CDK14: variants seen among roughly 807,000 people sequenced by gnomAD.
CDK14 encodes cyclin dependent kinase 14.
Under a neutral mutation model 60.7 loss-of-function variants are expected in CDK14, and 34 were observed. That is an observed-to-expected ratio of 0.56 (90% confidence interval 0.43 to 0.75). The LOEUF (loss-of-function observed/expected upper bound fraction) is 0.75, where lower values mean the gene tolerates loss of function less well. CDK14 is among the 30% of genes least tolerant of loss of function. The probability of loss-of-function intolerance (pLI) is 0.00; values close to 1 mark genes in which losing one functional copy is unlikely to be tolerated. For synonymous variants in CDK14, 197 were observed against 203.7 expected, an observed-to-expected ratio of 0.97 and a Z score of 0.28; for missense variants, 482 against 564.1, an observed-to-expected ratio of 0.85 and a Z score of 1.47.
chr7:91,085,018 T>A (rs958103416), intron 12 of CDK14, among the ~76,000 whole-genome samples: 1 of 152,240 alleles, frequency 6.6e-6, no homozygotes, highest in Non-Finnish European at 1.5e-5. Flanking sequence ...TCTAGAAGCA[T>A]AAACTGTAGG....
At chr7:91,045,305 A>G (rs1290868334) in intron 10 of CDK14, among the ~76,000 whole-genome samples, 2 of 152,200 alleles carry the variant, frequency 1.3e-5, no homozygotes, top group African/African-American at 4.8e-5. Context: ...AAATAGATGG[A>G]GAAAGAAGGT....
chr7:90,908,872 T>A (rs148904801), intron 7 of CDK14, among the ~76,000 whole-genome samples: 179 of 152,282 alleles, frequency 1.2e-3, no homozygotes, highest in African/African-American at 3.9e-3. Context: ...GTATAACTTG[T>A]TTTTGTGATT....
intron 5 of CDK14, among the ~76,000 whole-genome samples, chr7:90,848,192 C>T (rs1265217798): frequency 2.0e-5 from 3 of 152,116 alleles, no homozygotes; most frequent in Non-Finnish European, 4.4e-5. Flanking sequence ...ACCTCTGCCT[C>T]CTGGGTTGAA....
At chr7:90,661,509 A>C (rs1302982626) in intron 2 of CDK14, among the ~76,000 whole-genome samples, 1 of 152,188 alleles carries the variant, frequency 6.6e-6, no homozygotes, top group Non-Finnish European at 1.5e-5. Context: ...TTGGGCAGTG[A>C]CTGGGTATGG....
intron 11 of CDK14, among the ~76,000 whole-genome samples, chr7:91,075,581 C>T (rs192212356): frequency 5.5e-4 from 84 of 152,336 alleles, no homozygotes; most frequent in Admixed American, 4.4e-3. Flanking sequence ...TCTCTCTCAA[C>T]ACTCCTATTC....
intron 9 of CDK14, among the ~76,000 whole-genome samples, chr7:90,958,641 G>A (rs1331264130): frequency 6.6e-6 from 1 of 151,826 alleles, no homozygotes; most frequent in African/African-American, 2.4e-5. Flanking sequence ...GCCAATGAAT[G>A]CATCAGGATA....
intron 2 of CDK14, among the ~76,000 whole-genome samples, chr7:90,633,577 A>G (rs76877414): frequency 6.6e-6 from 1 of 152,324 alleles, no homozygotes; most frequent in Non-Finnish European, 1.5e-5. Context: ...TTTTACGGTA[A>G]GGATAGACAA....
chr7:90,961,791 C>T (rs1176728894), intron 9 of CDK14, among the ~76,000 whole-genome samples: 2 of 152,230 alleles, frequency 1.3e-5, no homozygotes, highest in Admixed American at 6.5e-5. Context: ...TAAGCCCACT[C>T]TCACTACGGA....
rs369912896 is a variant in CDK14 at position 91,183,291 on chromosome 7, A to G, written c.*29-23874A>G. ...CTTTACTACACAGTCATATAAGCACATGTGTGCACATAGACCAGCCACTGC... is the reference window on the plus strand; with the variant it reads ...CTTTACTACACAGTCATATAAGCACGTGTGTGCACATAGACCAGCCACTGC... On this transcript the variant is annotated intron_variant, in intron 14 of 14. Coordinates refer to ENST00000380050, the MANE Select transcript of CDK14 (RefSeq NM_001287135.2). 8.5e-4 allele frequency among the ~76,000 whole-genome samples: 130 copies of G among 152,320 alleles called. 1 individual carries two copies. Among genetic ancestry groups the G allele is most frequent in the African/African-American group, 3.0e-3 (124 of 41,578 alleles).
intron 7 of CDK14, among the ~76,000 whole-genome samples, chr7:90,903,786 A>G (rs1421754336): frequency 6.6e-6 from 1 of 152,218 alleles, no homozygotes; most frequent in Non-Finnish European, 1.5e-5. Flanking sequence ...ATCATTATAC[A>G]TTGTATGATT....
At chr7:90,736,923 A>T (rs921258875) in intron 3 of CDK14, among the ~76,000 whole-genome samples, 3 of 152,322 alleles carry the variant, frequency 2.0e-5, no homozygotes, top group African/African-American at 7.2e-5. Context: ...TGCTAATGTA[A>T]CTGGCTGATT....
chr7:90,650,112 C>A (rs896228394), intron 2 of CDK14, among the ~76,000 whole-genome samples: 2 of 152,190 alleles, frequency 1.3e-5, no homozygotes, highest in African/African-American at 2.4e-5. Flanking sequence ...ACAGCCTCTC[C>A]AGCATCTGTT....
rs780258881 is a variant in CDK14, at chr7:91,045,890, C to G, written c.1042-7C>G. The stretch of plus-strand genomic sequence containing the variant: ...GGCTGTTTCCACAATCTCCTACTCT[C>G]CACTAGGTTCTTGGAACACCAAATG... On this transcript the variant is annotated splice_region_variant and splice_polypyrimidine_tract_variant and intron_variant, in intron 10 of 14. Transcript: ENST00000380050. The G allele has an allele frequency of 1.3e-6, 2 of 1,596,450 alleles. No homozygotes were observed. The highest frequency in any genetic ancestry group is 8.6e-7 in the Non-Finnish European group (1 of 1,164,140).
intron 2 of CDK14, among the ~76,000 whole-genome samples, chr7:90,705,816 A>C (rs1271048046): frequency 6.6e-6 from 1 of 151,846 alleles, no homozygotes; most frequent in Non-Finnish European, 1.5e-5. Context: ...CTTAGATGTC[A>C]GATTATTGAG....
chr7:90,625,327 G>A (rs1356711542), intron 2 of CDK14, among the ~76,000 whole-genome samples: 1 of 152,156 alleles, frequency 6.6e-6, no homozygotes, highest in Non-Finnish European at 1.5e-5. Context: ...GCAACATAGC[G>A]AGACTCTGTC....
chr7:90,916,271 G>A (rs1050608846), intron 7 of CDK14, among the ~76,000 whole-genome samples: 5 of 152,088 alleles, frequency 3.3e-5, no homozygotes, highest in African/African-American at 1.2e-4. Flanking sequence ...AGCGTTGAGA[G>A]GACAAATCCA....
intron 8 of CDK14, among the ~76,000 whole-genome samples, chr7:90,937,428 A>G (rs550769822): frequency 2.9e-4 from 44 of 152,326 alleles, no homozygotes; most frequent in African/African-American, 1.0e-3. Context: ...CACCTCCACA[A>G]TCAAGTTTTG....
chr7:91,108,082 C>T (rs775465247), intron 12 of CDK14, among the ~76,000 whole-genome samples: 8 of 152,132 alleles, frequency 5.3e-5, no homozygotes, highest in East Asian at 1.9e-4. Flanking sequence ...CTGAAGCGGG[C>T]GGATCACTTG....
chr7:91,055,374 A>G (rs1282234524), intron 11 of CDK14, among the ~76,000 whole-genome samples: 1 of 152,232 alleles, frequency 6.6e-6, no homozygotes, highest in Non-Finnish European at 1.5e-5. Context: ...AAGGAGGGAC[A>G]ATCTGTACTT....
Sources: gnomAD v4.1 joint callset for allele counts (sites outside exome capture counted in the v4.1 genomes callset) on GRCh38, gnomAD v4.1.1 for gene constraint, MANE v1.5 for transcripts, NCBI Gene and HGNC (gene_info 2026-07-23, HGNC 2026-07-21) for gene names.